CADM1: variants seen among roughly 807,000 people sequenced by gnomAD.
The protein encoded by CADM1 is TSLC-1.
In CADM1, 15 loss-of-function variants were observed where a neutral mutation model predicts 53.1. The observed-to-expected ratio is 0.28, with a 90% CI of 0.19 to 0.44. CADM1 has a LOEUF of 0.44. Among genes scored for constraint, CADM1 ranks in the 20% least tolerant of loss-of-function variants. CADM1 has a pLI of 1.00. For synonymous variants in CADM1, 281 were observed against 243.0 expected, an observed-to-expected ratio of 1.16 and a Z score of -1.45; for missense variants, 434 against 611.3, an observed-to-expected ratio of 0.71 and a Z score of 3.06.
At chr11:115,311,859 A>T (rs770586901) in intron 1 of CADM1, among the ~76,000 whole-genome samples, 1 of 152,200 alleles carries the variant, frequency 6.6e-6, no homozygotes, top group African/African-American at 2.4e-5. Context: ...GGCAACAAAA[A>T]GATTCCCTAT....
chr11:115,389,980 C>G (rs909221426), intron 1 of CADM1, among the ~76,000 whole-genome samples: 1 of 152,122 alleles, frequency 6.6e-6, no homozygotes, highest in Non-Finnish European at 1.5e-5. Context: ...GGAACTAAAA[C>G]AGAGAAGTCA....
chr11:115,395,581 A>C (rs901477402), intron 1 of CADM1, among the ~76,000 whole-genome samples: 2 of 152,228 alleles, frequency 1.3e-5, no homozygotes, highest in African/African-American at 4.8e-5. Context: ...TCTCATAAAC[A>C]CAAAAAAAGG....
At chr11:115,432,628 A>G (rs1307418624) in intron 1 of CADM1, among the ~76,000 whole-genome samples, 1 of 152,234 alleles carries the variant, frequency 6.6e-6, no homozygotes, top group East Asian at 1.9e-4. Context: ...AAGAATTTCA[A>G]TATTTGTATT....
chr11:115,475,248 T>C (rs1949105689), intron 1 of CADM1, among the ~76,000 whole-genome samples: 1 of 152,192 alleles, frequency 6.6e-6, no homozygotes, highest in Non-Finnish European at 1.5e-5. Flanking sequence ...ATTTGTATCA[T>C]TTTTTATTGT....
intron 1 of CADM1, among the ~76,000 whole-genome samples, chr11:115,345,778 C>G (rs538403303): frequency 6.6e-6 from 1 of 152,196 alleles, no homozygotes; most frequent in Non-Finnish European, 1.5e-5. Flanking sequence ...CACAGCCTCA[C>G]TGTGCTGCTC....
At chr11:115,374,587 C>T (rs574203906) in intron 1 of CADM1, among the ~76,000 whole-genome samples, 2 of 152,218 alleles carry the variant, frequency 1.3e-5, no homozygotes, top group African/African-American at 2.4e-5. Flanking sequence ...ACATCACATG[C>T]ATACAAAAAG....
At chr11:115,409,284 C>G (rs924151034) in intron 1 of CADM1, among the ~76,000 whole-genome samples, 1 of 152,180 alleles carries the variant, frequency 6.6e-6, no homozygotes, top group Non-Finnish European at 1.5e-5. Flanking sequence ...CTACATAACA[C>G]ACAAAGACAA....
At chr11:115,409,627 T>G (rs1187615170) in intron 1 of CADM1, among the ~76,000 whole-genome samples, 1 of 151,870 alleles carries the variant, frequency 6.6e-6, no homozygotes, top group African/African-American at 2.4e-5. Context: ...GGTGCTGAAA[T>G]CTGACCTGGT....
At chr11:115,252,201 A>G (rs887776267) in intron 1 of CADM1, among the ~76,000 whole-genome samples, 6 of 152,226 alleles carry the variant, frequency 3.9e-5, no homozygotes, top group African/African-American at 1.4e-4. Flanking sequence ...GAATGTTTCT[A>G]TATTTTAAAA....
intron 1 of CADM1, among the ~76,000 whole-genome samples, chr11:115,385,411 C>T (rs2135165723): frequency 6.6e-6 from 1 of 152,214 alleles, no homozygotes; most frequent in Admixed American, 6.5e-5. Flanking sequence ...TCATTTCTCT[C>T]AAGAGTTGAA....
At chr11:115,342,902 CT>C (rs1385632981) in intron 1 of CADM1, among the ~76,000 whole-genome samples, 1 of 152,040 alleles carries the variant, frequency 6.6e-6, no homozygotes, top group African/African-American at 2.4e-5. Flanking sequence ...ATATACAAAA[CT>C]TTGTAAAGAT....
At chr11:115,268,951 C>T (rs980344030) in intron 1 of CADM1, among the ~76,000 whole-genome samples, 2 of 152,086 alleles carry the variant, frequency 1.3e-5, no homozygotes, top group South Asian at 2.1e-4. Flanking sequence ...CACCATATTG[C>T]GCTCTTCTGG....
At chr11:115,281,351 T>C (rs2135078622) in intron 1 of CADM1, among the ~76,000 whole-genome samples, 1 of 152,312 alleles carries the variant, frequency 6.6e-6, no homozygotes, top group Non-Finnish European at 1.5e-5. Context: ...AGAGTTTAAT[T>C]TTAGGGAACT....
At chr11:115,421,241 C>T (rs1947748671) in intron 1 of CADM1, among the ~76,000 whole-genome samples, 1 of 152,280 alleles carries the variant, frequency 6.6e-6, no homozygotes, top group African/African-American at 2.4e-5. Flanking sequence ...GAGAGTCAAA[C>T]GGCCTTGCTA....
chr11:115,363,847 T>C lies in CADM1; in HGVS notation c.125-123427A>G, dbSNP rs149184323. On this transcript the variant is annotated intron_variant, in intron 1 of 11. Coordinates refer to ENST00000331581, the MANE Select transcript of CADM1 (RefSeq NM_001301043.2). ...CTTATACAACAGTGATCCCGTAAGA[T>C]TATAATACCATATTTTTGCTGGACA... Among the ~76,000 whole-genome samples, 574 of 152,312 alleles carry C rather than the reference T, an allele frequency of 3.8e-3. 6 individuals carry two copies. Among genetic ancestry groups the C allele is most frequent in the African/African-American group, 0.013 (539 of 41,562 alleles).
Position 115,285,836 on chromosome 11 carries a change from A to C in CADM1, c.125-45416T>G, listed in dbSNP as rs546623411. 2.0e-5 allele frequency among the ~76,000 whole-genome samples: 3 copies of C among 152,278 alleles called. No individual in the cohort carries two copies. In the South Asian group the frequency reaches 6.2e-4, roughly 32 times the overall value. On this transcript the variant is annotated intron_variant, in intron 1 of 11. Transcript: ENST00000331581. ...GTGGGTCCTGTGGGGCAGAGCTTGA[A>C]TCTTAGCATGAATCCCCGGTGCCCC...
intron 1 of CADM1, among the ~76,000 whole-genome samples, chr11:115,314,977 C>G (rs1378583683): frequency 2.0e-4 from 31 of 152,146 alleles, no homozygotes; most frequent in Non-Finnish European, 1.5e-5. Context: ...TCCAACCAAG[C>G]AACTGGGATG....
At chr11:115,369,026 TAAAAAAAAA>T (rs552309443) in intron 1 of CADM1, among the ~76,000 whole-genome samples, 11 of 44,748 alleles carry the variant, frequency 2.5e-4, no homozygotes, top group Admixed American at 6.5e-4. Flanking sequence ...AAAAAAAATC[TAAAAAAAAA>T]AAAAAAAAAA....
intron 1 of CADM1, among the ~76,000 whole-genome samples, chr11:115,444,194 G>C (rs981854524): frequency 4.1e-4 from 62 of 152,040 alleles, no homozygotes; most frequent in African/African-American, 1.4e-3. Flanking sequence ...GAATTCATTT[G>C]GAAAAATGCA....
Sources: allele counts gnomAD v4.1 joint callset (sites outside exome capture counted in the v4.1 genomes callset), GRCh38; gene constraint gnomAD v4.1.1; transcripts MANE v1.5; gene names NCBI Gene and HGNC (gene_info 2026-07-23, HGNC 2026-07-21).